MS4A10: variants seen among roughly 807,000 people sequenced by gnomAD.
The protein encoded by MS4A10 is membrane spanning 4-domains A10.
A neutral mutation model predicts 27.7 loss-of-function variants in MS4A10; 27 were observed. That is an observed-to-expected ratio of 0.98 (90% CI 0.72 to 1.35). MS4A10 has a LOEUF of 1.35. MS4A10 is among the 40% of genes most tolerant of loss of function. The probability of loss-of-function intolerance (pLI) is 0.00; values close to 1 mark genes in which losing one functional copy is unlikely to be tolerated. For synonymous variants in MS4A10, 139 were observed against 131.2 expected (o/e 1.06, Z -0.41); for missense variants, 338 against 324.7 (o/e 1.04, Z -0.32).
Position 60,790,308 on chromosome 11 carries a change from C to T in MS4A10, c.-22-6C>T. The T allele has an allele frequency of 6.2e-7, 1 of 1,611,880 alleles. No homozygotes were observed. The highest frequency in any genetic ancestry group is 8.5e-7 in the Non-Finnish European group (1 of 1,178,680). Reference sequence around the variant, plus strand: ...GGTTCTGACGGCCTTCCTCCCCGTCCTGCAGCCAGGGCCCCCATCCAGCAT... The same window carrying T: ...GGTTCTGACGGCCTTCCTCCCCGTCTTGCAGCCAGGGCCCCCATCCAGCAT... On this transcript the variant is annotated splice_polypyrimidine_tract_variant and splice_region_variant and intron_variant, in intron 1 of 7. Coordinates refer to ENST00000308287, the MANE Select transcript of MS4A10 (RefSeq NM_206893.4).
chr11:60,791,978 G>T (rs1021798203), intron 3 of MS4A10, among the ~76,000 whole-genome samples: 2 of 152,224 alleles, frequency 1.3e-5, no homozygotes, highest in African/African-American at 4.8e-5. Context: ...AATGAGGGAA[G>T]CAGGAGGGTC....
chr11:60,791,970 T>C (rs1030148779), intron 3 of MS4A10, among the ~76,000 whole-genome samples: 3 of 152,068 alleles, frequency 2.0e-5, no homozygotes, highest in African/African-American at 7.2e-5. Flanking sequence ...GTTTGTAAAA[T>C]GAGGGAAGCA....
chr11:60,797,754 ACT>A, intron 6 of MS4A10, among the ~76,000 whole-genome samples: 1 of 152,294 alleles, frequency 6.6e-6, no homozygotes, highest in Non-Finnish European at 1.5e-5. Flanking sequence ...GCTTCTCCCT[ACT>A]GCACTAGCTA....
At chr11:60,793,869 C>G in intron 4 of MS4A10, 103 bp from the exon 5 acceptor site, 1 of 1,331,384 alleles carries the variant, frequency 7.5e-7, no homozygotes, top group South Asian at 1.4e-5. Context: ...CAGGCAGAGT[C>G]TCTCCTGAGG....
intron 1 of MS4A10, among the ~76,000 whole-genome samples, chr11:60,786,292 G>C (rs1440936735): frequency 1.3e-5 from 2 of 151,948 alleles, no homozygotes; most frequent in African/African-American, 4.8e-5. Flanking sequence ...CGTTTCCTCT[G>C]CCTGCTCAGC....
chr11:60,795,220 T>A (rs1160880967), intron 5 of MS4A10, among the ~76,000 whole-genome samples: 1 of 152,152 alleles, frequency 6.6e-6, no homozygotes, highest in East Asian at 1.9e-4. Flanking sequence ...TGGGACTAGG[T>A]ACCCCCATCT....
intron 1 of MS4A10, among the ~76,000 whole-genome samples, chr11:60,786,173 G>GCACACA (rs776986366): frequency 0.11 from 14,832 of 139,808 alleles, 732 homozygotes; most frequent in African/African-American, 0.15. Context: ...GCACACACAT[G>GCACACA]CACACACACA....
At chr11:60,790,079 C>G (rs1854400532) in intron 1 of MS4A10, among the ~76,000 whole-genome samples, 1 of 152,148 alleles carries the variant, frequency 6.6e-6, no homozygotes, top group South Asian at 2.1e-4. Context: ...TTTTTCTGCC[C>G]CAAAAGGAGC....
intron 7 of MS4A10, among the ~76,000 whole-genome samples, 179 bp downstream of exon 7, chr11:60,798,693 A>T (rs1278231698): frequency 6.6e-6 from 1 of 152,186 alleles, no homozygotes; most frequent in Non-Finnish European, 1.5e-5. Context: ...CTATCCCCTC[A>T]GGCACTAGAG....
At chr11:60,787,145 C>A (rs2134746970) in intron 1 of MS4A10, among the ~76,000 whole-genome samples, 1 of 152,274 alleles carries the variant, frequency 6.6e-6, no homozygotes, top group South Asian at 2.1e-4. Flanking sequence ...AGCGCTGAGG[C>A]CCTAGTGGCA....
intron 1 of MS4A10, among the ~76,000 whole-genome samples, chr11:60,788,230 T>C (rs1206965150): frequency 1.3e-5 from 2 of 152,170 alleles, no homozygotes; most frequent in East Asian, 3.9e-4. Flanking sequence ...TCAGGACCAA[T>C]GTTCCATGGA....
At chr11:60,789,709 G>A (rs1327033329) in intron 1 of MS4A10, among the ~76,000 whole-genome samples, 1 of 152,220 alleles carries the variant, frequency 6.6e-6, no homozygotes, top group Non-Finnish European at 1.5e-5. Context: ...GGGTTGGAAT[G>A]AGGACAAAAT....
chr11:60,790,825 G>A (rs1457196395), intron 2 of MS4A10, 149 bp from the exon 3 acceptor site: 2 of 1,184,882 alleles, frequency 1.7e-6, no homozygotes, highest in Non-Finnish European at 1.2e-6. Flanking sequence ...GAAATCCTGG[G>A]GAGTGGTCCT....
chr11:60,798,460 C>T lies in MS4A10; in HGVS notation c.668C>T (p.Pro223Leu), dbSNP rs1383022836. 6.2e-6 allele frequency: 10 copies of T among 1,613,990 alleles called. No individual in the cohort carries two copies. Among genetic ancestry groups the T allele is most frequent in the African/African-American group, 2.7e-5 (2 of 74,920 alleles). Residue 223 changes from proline (P) to leucine (L), a missense_variant, in exon 7 of 8, where the codon CCG (proline) becomes CTG (leucine). Pro to Leu is a moderately conservative substitution (Grantham distance 98). Coordinates refer to ENST00000308287, the MANE Select transcript of MS4A10 (RefSeq NM_206893.4). Reference protein sequence around the residue: ...LHLKGLPVEPPPSYQSVIQGD... With the variant: ...LHLKGLPVEPLPSYQSVIQGD... Reference sequence around the variant, plus strand: ...CTCAAAGGCCTGCCGGTGGAGCCCCCGCCATCCTACCAGAGTGTGATTCAA... The same window carrying T: ...CTCAAAGGCCTGCCGGTGGAGCCCCTGCCATCCTACCAGAGTGTGATTCAA...
intron 4 of MS4A10, among the ~76,000 whole-genome samples, chr11:60,793,476 A>G (rs1305817078): frequency 6.6e-6 from 1 of 152,208 alleles, no homozygotes; most frequent in Non-Finnish European, 1.5e-5. Flanking sequence ...CGATGAATAC[A>G]GGCATTTCAG....
intron 5 of MS4A10, 23 bp from the exon 6 acceptor site, chr11:60,795,532 C>A: frequency 6.7e-7 from 1 of 1,485,248 alleles, no homozygotes; most frequent in Non-Finnish European, 9.0e-7. Context: ...CTCACCCTGC[C>A]TTCCTTCCCT....
chr11:60,795,752 T>A (rs1457686675), intron 6 of MS4A10, 87 bp downstream of exon 6: 1 of 763,754 alleles, frequency 1.3e-6, no homozygotes, highest in Non-Finnish European at 1.9e-6. Context: ...ATGTGGGGGT[T>A]ACAAGAGGAG....
chr11:60,788,723 T>C (rs1486388532), intron 1 of MS4A10, among the ~76,000 whole-genome samples: 1 of 152,192 alleles, frequency 6.6e-6, no homozygotes, highest in African/African-American at 2.4e-5. Flanking sequence ...CTCTGCCCAC[T>C]CACCCCACTA....
intron 3 of MS4A10, 147 bp downstream of exon 3, chr11:60,791,240 C>A: frequency 1.9e-6 from 2 of 1,071,092 alleles, no homozygotes; most frequent in Non-Finnish European, 1.3e-6. Flanking sequence ...GTGTTCCTAG[C>A]TCTGCTTCTT....
Sources: allele counts gnomAD v4.1 joint callset (sites outside exome capture counted in the v4.1 genomes callset), GRCh38; gene constraint gnomAD v4.1.1; transcripts MANE v1.5; gene names NCBI Gene and HGNC (gene_info 2026-07-23, HGNC 2026-07-21).